The following PARD3B variants were observed in gnomAD, a reference collection of about 807,000 sequenced individuals.
PARD3B encodes the protein partitioning defective 3 homolog B.
Under a neutral mutation model 130.2 loss-of-function variants are expected in PARD3B, and 103 were observed. The observed-to-expected ratio is 0.79, with a 90% CI of 0.67 to 0.93. PARD3B has a LOEUF of 0.93. PARD3B is among the 40% of genes least tolerant of loss of function. PARD3B has a pLI of 0.00. For missense variants in PARD3B, 1,609 were observed against 1,499.2 expected (o/e 1.07, Z -1.21); for synonymous variants, 583 against 553.2 (o/e 1.05, Z -0.76).
intron 2 of PARD3B, among the ~76,000 whole-genome samples, chr2:204,875,762 G>C (rs2045817904): frequency 6.6e-6 from 1 of 152,174 alleles, no homozygotes; most frequent in African/African-American, 2.4e-5. Flanking sequence ...TATGTAAAAA[G>C]GAAATGGACT....
rs147737542 is a variant in PARD3B, at chr2:205,283,592, T to C, written c.2186-16938T>C. ...AGTCTTTTCTTTTTCTGTGACCTTA[T>C]TTGAATCAAAATGGACCTGAACACT... On this transcript the variant is annotated intron_variant, in intron 16 of 22. Coordinates refer to ENST00000406610, the MANE Select transcript of PARD3B (RefSeq NM_001302769.2). Among the ~76,000 whole-genome samples the C allele has an allele frequency of 1.7e-3, 261 of 152,356 alleles. 3 individuals are homozygous for C. The highest frequency in any genetic ancestry group is 6.0e-3 in the African/African-American group (251 of 41,580).
rs2048412611 is a variant in PARD3B, at chr2:205,460,413, G to GATA, written c.3044+19743_3044+19744insAAT. On this transcript the variant is annotated intron_variant, in intron 20 of 22. Transcript: ENST00000406610. The surrounding 1 kb of genome is among the most constrained non-coding windows in gnomAD (Gnocchi z 4.9). ...TGATAGTGATGATGATGATGATGAT[G>GATA]ATGATGATGATGATGATGATGATAG... Among the ~76,000 whole-genome samples the GATA allele has an allele frequency of 2.0e-5, 3 of 151,864 alleles. No individual in the cohort carries two copies. Among genetic ancestry groups the GATA allele is most frequent in the Admixed American group, 6.6e-5 (1 of 15,226 alleles).
intron 1 of PARD3B, among the ~76,000 whole-genome samples, chr2:204,577,003 T>A (rs926543785): frequency 2.6e-5 from 4 of 152,170 alleles, no homozygotes; most frequent in African/African-American, 9.7e-5. Flanking sequence ...TGTTTGAATT[T>A]GAAATAAAAC....
intron 3 of PARD3B, among the ~76,000 whole-genome samples, chr2:204,985,568 C>T (rs1333112476): frequency 2.0e-5 from 3 of 152,102 alleles, no homozygotes; most frequent in Non-Finnish European, 2.9e-5. Flanking sequence ...GGAATTTGAC[C>T]AAATGGACAG....
intron 10 of PARD3B, among the ~76,000 whole-genome samples, chr2:205,127,322 GAAAAGAA>G (rs2031554475): frequency 6.9e-6 from 1 of 144,480 alleles, no homozygotes; most frequent in Non-Finnish European, 1.5e-5. Context: ...AAAGGAAAAA[GAAAAGAA>G]AATTCAGAAG....
chr2:205,106,129 AT>A (rs1039999062), intron 5 of PARD3B, among the ~76,000 whole-genome samples: 11 of 151,394 alleles, frequency 7.3e-5, no homozygotes, highest in African/African-American at 2.7e-4. Flanking sequence ...AAATATATAT[AT>A]TCTTTTATTT....
chr2:205,005,902 A>G (rs1489615914), intron 3 of PARD3B, among the ~76,000 whole-genome samples: 1 of 152,158 alleles, frequency 6.6e-6, no homozygotes, highest in Non-Finnish European at 1.5e-5. Flanking sequence ...ATTTTAGCAC[A>G]ACCATCACTT....
chr2:205,167,314 TCCAAAGAATTATCTGGC>T (rs1270546779), intron 11 of PARD3B, among the ~76,000 whole-genome samples: 2 of 151,798 alleles, frequency 1.3e-5, no homozygotes, highest in Non-Finnish European at 2.9e-5. Flanking sequence ...GACCCCTCAC[TCCAAAGAATTATCTGGC>T]CCAAATGTAC....
At chr2:204,566,935 G>C (rs907019151) in intron 1 of PARD3B, among the ~76,000 whole-genome samples, 5 of 150,850 alleles carry the variant, frequency 3.3e-5, no homozygotes, top group African/African-American at 1.2e-4. Flanking sequence ...CTAGAGTGTA[G>C]TGGTGCGATC....
intron 21 of PARD3B, among the ~76,000 whole-genome samples, chr2:205,541,489 C>G: frequency 6.6e-6 from 1 of 151,864 alleles, no homozygotes; most frequent in South Asian, 2.1e-4. Flanking sequence ...GCTGGAATTA[C>G]AAGCATGTAC....
intron 18 of PARD3B, among the ~76,000 whole-genome samples, chr2:205,315,528 T>C (rs533793021): frequency 6.6e-6 from 1 of 152,280 alleles, no homozygotes; most frequent in South Asian, 2.1e-4. Context: ...TCTAATTCAT[T>C]AGGTTTGATA....
chr2:205,151,348 T>C (rs2033743972), intron 10 of PARD3B, among the ~76,000 whole-genome samples: 1 of 152,164 alleles, frequency 6.6e-6, no homozygotes, highest in Non-Finnish European at 1.5e-5. Flanking sequence ...ATCTGTCTAG[T>C]GTTGACAGCA....
At chr2:205,443,051 C>T (rs916724027) in intron 20 of PARD3B, among the ~76,000 whole-genome samples, 1 of 152,144 alleles carries the variant, frequency 6.6e-6, no homozygotes, top group African/African-American at 2.4e-5. Context: ...AAAGACTGCC[C>T]TGCTCCTTGT....
intron 3 of PARD3B, among the ~76,000 whole-genome samples, chr2:205,041,640 C>T (rs1698404356): frequency 6.6e-6 from 1 of 151,978 alleles, no homozygotes; most frequent in Admixed American, 6.6e-5. Context: ...CGAGAGCTGT[C>T]CAGGTGTCAG....
At chr2:205,609,672 C>T (rs933320504) in intron 22 of PARD3B, among the ~76,000 whole-genome samples, 3 of 152,192 alleles carry the variant, frequency 2.0e-5, no homozygotes, top group African/African-American at 7.2e-5. Flanking sequence ...AATGCATATG[C>T]CTAAGCCGGA....
chr2:204,681,497 G>C (rs879427596), intron 1 of PARD3B, among the ~76,000 whole-genome samples: 63 of 152,244 alleles, frequency 4.1e-4, no homozygotes, highest in African/African-American at 1.5e-3. Flanking sequence ...TTTACACTTG[G>C]TTGATCTATT....
intron 2 of PARD3B, among the ~76,000 whole-genome samples, chr2:204,902,568 C>CT (rs1039559856): frequency 2.0e-5 from 3 of 148,768 alleles, no homozygotes; most frequent in African/African-American, 7.5e-5. Context: ...GCTCGGGAGG[C>CT]TGAGGCAGGA....
chr2:204,616,089 A>G (rs1165775739), intron 1 of PARD3B, among the ~76,000 whole-genome samples: 2 of 152,280 alleles, frequency 1.3e-5, no homozygotes, highest in Admixed American at 1.3e-4. Flanking sequence ...ACAACACCAA[A>G]GGCACAGTAC....
chr2:204,913,864 T>G (rs1051973240), intron 2 of PARD3B, among the ~76,000 whole-genome samples: 2 of 152,228 alleles, frequency 1.3e-5, no homozygotes, highest in Non-Finnish European at 2.9e-5. Flanking sequence ...CCTGTCTACT[T>G]AACGGACAGA....
Sources: gnomAD v4.1 joint callset for allele counts (sites outside exome capture counted in the v4.1 genomes callset) on GRCh38, gnomAD v4.1.1 for gene constraint, Gnocchi (gnomAD v3.1) non-coding constraint, MANE v1.5 for transcripts, NCBI Gene and HGNC (gene_info 2026-07-23, HGNC 2026-07-21) for gene names.